The following NEDD4L variants were observed in gnomAD, a reference collection of about 807,000 sequenced individuals.
The protein encoded by NEDD4L is E3 ubiquitin-protein ligase NEDD4-like.
Under a neutral mutation model 148.9 loss-of-function variants are expected in NEDD4L, and 54 were observed. That is an observed-to-expected ratio of 0.36 (90% CI 0.29 to 0.45). The LOEUF (loss-of-function observed/expected upper bound fraction) is 0.45. NEDD4L is among the 20% of genes least tolerant of loss of function. The probability of loss-of-function intolerance (pLI) is 1.00; values close to 1 mark genes in which losing one functional copy is unlikely to be tolerated. For synonymous variants in NEDD4L, 433 were observed against 440.7 expected (o/e 0.98, Z 0.22); for missense variants, 856 against 1,233.8 (o/e 0.69, Z 4.59).
At chr18:58,357,633 A>G (rs1302658002) in intron 19 of NEDD4L, among the ~76,000 whole-genome samples, 2 of 152,200 alleles carry the variant, frequency 1.3e-5, no homozygotes, top group African/African-American at 2.4e-5. Flanking sequence ...AATGTATGCC[A>G]AAAGTTTAAA....
intron 1 of NEDD4L, among the ~76,000 whole-genome samples, chr18:58,104,322 G>T (rs1379327251): frequency 6.6e-6 from 1 of 152,222 alleles, no homozygotes; most frequent in East Asian, 1.9e-4. Flanking sequence ...TTATCTCTAA[G>T]ATCGGGGCTG....
intron 16 of NEDD4L, 34 bp downstream of exon 16, chr18:58,343,137 A>G: frequency 6.6e-7 from 1 of 1,525,632 alleles, no homozygotes; most frequent in Non-Finnish European, 8.8e-7. Flanking sequence ...CTCCATTTTC[A>G]TCATGAAGTC....
intron 2 of NEDD4L, chr18:58,195,817 A>G: frequency 3.4e-6 from 3 of 880,760 alleles, no homozygotes; most frequent in South Asian, 1.3e-5. Flanking sequence ...CCGTGAATCC[A>G]TTAGCTTTAA....
chr18:58,228,854 C>T (rs1233375752), intron 2 of NEDD4L, among the ~76,000 whole-genome samples: 2 of 152,208 alleles, frequency 1.3e-5, no homozygotes, highest in Non-Finnish European at 2.9e-5. Flanking sequence ...AAAGCCCATG[C>T]ACTCTTCCAC....
chr18:58,225,433 G>T (rs542329774), intron 2 of NEDD4L, among the ~76,000 whole-genome samples: 1 of 152,330 alleles, frequency 6.6e-6, no homozygotes, highest in East Asian at 1.9e-4. Context: ...CGCTTCATCT[G>T]CCTGATGCTG....
At chr18:58,245,297 T>A (rs992068825) in intron 2 of NEDD4L, 130 bp from the exon 3 acceptor site, 7 of 529,746 alleles carry the variant, frequency 1.3e-5, no homozygotes, top group Non-Finnish European at 2.4e-5. Flanking sequence ...GTTAAAAAGG[T>A]TATTGCTTAG....
At chr18:58,096,708 T>C (rs1334037679) in intron 1 of NEDD4L, among the ~76,000 whole-genome samples, 1 of 152,172 alleles carries the variant, frequency 6.6e-6, no homozygotes, top group Non-Finnish European at 1.5e-5. Context: ...AGTGTGATTT[T>C]GTATTTTATG....
chr18:58,263,587 A>G (rs1307767854), intron 5 of NEDD4L, among the ~76,000 whole-genome samples: 1 of 150,746 alleles, frequency 6.6e-6, no homozygotes. Flanking sequence ...AATACATTTA[A>G]TGACTCACAC....
intron 2 of NEDD4L, among the ~76,000 whole-genome samples, chr18:58,240,052 GT>G (rs1263706946): frequency 7.9e-5 from 12 of 152,304 alleles, no homozygotes; most frequent in Admixed American, 5.2e-4. Flanking sequence ...TTCCTGCTGA[GT>G]ATCTTGGCAT....
chr18:58,078,814 G>A (rs151122026), intron 1 of NEDD4L, among the ~76,000 whole-genome samples: 130 of 152,238 alleles, frequency 8.5e-4, no homozygotes, highest in Non-Finnish European at 1.4e-3. Context: ...TGGTCAGTCC[G>A]TTTCCTGCTT....
At chr18:58,187,967 G>C (rs996151241) in intron 2 of NEDD4L, among the ~76,000 whole-genome samples, 1 of 152,148 alleles carries the variant, frequency 6.6e-6, no homozygotes, top group African/African-American at 2.4e-5. Flanking sequence ...TGCATTTTTC[G>C]CTACTTTGCC....
chr18:58,120,854 C>G (rs1349782360), intron 1 of NEDD4L, among the ~76,000 whole-genome samples: 1 of 151,992 alleles, frequency 6.6e-6, no homozygotes, highest in Non-Finnish European at 1.5e-5. Flanking sequence ...TGTAATCCCC[C>G]CCTCACTCCC....
rs374052471 is a variant in NEDD4L at position 58,210,484 on chromosome 18, T to C, written c.123-34943T>C. Among the ~76,000 whole-genome samples the C allele has an allele frequency of 4.6e-5, 7 of 152,340 alleles. No homozygotes were observed. The East Asian group carries it at 1.2e-3, about 25-fold the overall frequency. ...GTTTTTGGAGATGGAGTTTCGCTCT[T>C]GTTGCCCAGGCTGGAGTGCAACGGT... On this transcript the variant is annotated intron_variant, in intron 2 of 30. Coordinates refer to ENST00000400345, the MANE Select transcript of NEDD4L (RefSeq NM_001144967.3).
At chr18:58,125,464 T>G (rs1407670517) in intron 1 of NEDD4L, among the ~76,000 whole-genome samples, 3 of 152,120 alleles carry the variant, frequency 2.0e-5, no homozygotes, top group African/African-American at 7.2e-5. Flanking sequence ...ACCTCCAGTC[T>G]TTGGAATAGT....
chr18:58,174,489 T>A (rs1463365193), intron 2 of NEDD4L, among the ~76,000 whole-genome samples: 3 of 152,276 alleles, frequency 2.0e-5, no homozygotes, highest in African/African-American at 7.2e-5. Flanking sequence ...CTGCTTCCTA[T>A]CACTATCAAT....
intron 9 of NEDD4L, among the ~76,000 whole-genome samples, chr18:58,325,659 C>G (rs2059252319): frequency 6.6e-6 from 1 of 152,072 alleles, no homozygotes; most frequent in Admixed American, 6.5e-5. Flanking sequence ...TTAATATAAT[C>G]AGAAACACAT....
At chr18:58,163,358 A>T (rs2036463960) in intron 1 of NEDD4L, among the ~76,000 whole-genome samples, 1 of 152,262 alleles carries the variant, frequency 6.6e-6, no homozygotes, top group African/African-American at 2.4e-5. Context: ...GCCTTGGCCT[A>T]CATAACATCC....
At chr18:58,243,906 A>G (rs1420432209) in intron 2 of NEDD4L, among the ~76,000 whole-genome samples, 1 of 152,192 alleles carries the variant, frequency 6.6e-6, no homozygotes, top group East Asian at 1.9e-4. Flanking sequence ...TTTTTTTAGG[A>G]TATGTTTTGT....
intron 1 of NEDD4L, among the ~76,000 whole-genome samples, chr18:58,077,268 G>A (rs986619091): frequency 1.5e-5 from 2 of 136,950 alleles, no homozygotes; most frequent in African/African-American, 5.4e-5. Context: ...CTGGACTCAA[G>A]TGATCCTCTG....
Sources: gnomAD v4.1 joint callset for allele counts (sites outside exome capture counted in the v4.1 genomes callset) on GRCh38, gnomAD v4.1.1 for gene constraint, MANE v1.5 for transcripts, NCBI Gene and HGNC (gene_info 2026-07-23, HGNC 2026-07-21) for gene names.